The following RPGRIP1L variants were observed in gnomAD, a reference collection of about 807,000 sequenced individuals.
RPGRIP1L encodes RPGRIP1 like, also known as protein fantom.
Under a neutral mutation model 160.4 loss-of-function variants are expected in RPGRIP1L, and 131 were observed. That is an observed-to-expected ratio of 0.82 (90% CI 0.71 to 0.94). The LOEUF is 0.94. Ranked by LOEUF, RPGRIP1L falls within the 40% of genes least tolerant of loss-of-function variation. The probability of loss-of-function intolerance (pLI) is 0.00; values close to 1 mark genes in which losing one functional copy is unlikely to be tolerated. For missense variants in RPGRIP1L, 1,522 were observed against 1,535.8 expected (o/e 0.99, Z 0.15); for synonymous variants, 510 against 515.8 (o/e 0.99, Z 0.15).
In RPGRIP1L at chr16:53,603,674, A is replaced by ATGTGTGTG. The variant is rs3035223; in HGVS notation, c.3836-1494_3836-1487dup. Among the ~76,000 whole-genome samples, 1,203 of 148,042 alleles carry ATGTGTGTG rather than the reference A, an allele frequency of 8.1e-3. 14 individuals are homozygous for ATGTGTGTG. Among genetic ancestry groups the ATGTGTGTG allele is most frequent in the African/African-American group, 0.022 (907 of 40,494 alleles). ...TCCTTATGGTTTTCCTTGAACTTTA[A>ATGTGTGTG]TGTGTGTGTGTGTGTGTGTGTGTGT... On this transcript the variant is annotated intron_variant, in intron 26 of 26. Coordinates refer to ENST00000647211, the MANE Select transcript of RPGRIP1L (RefSeq NM_015272.5).
At chr16:53,692,405 C>A in intron 3 of RPGRIP1L, 41 bp from the exon 4 acceptor site, 1 of 1,571,552 alleles carries the variant, frequency 6.4e-7, no homozygotes, top group South Asian at 1.1e-5. Flanking sequence ...TGTGAGAAGT[C>A]AGCATAAAAT....
At chr16:53,646,957 A>C (rs1966593114) in intron 16 of RPGRIP1L, among the ~76,000 whole-genome samples, 1 of 152,224 alleles carries the variant, frequency 6.6e-6, no homozygotes, top group African/African-American at 2.4e-5. Flanking sequence ...GCCCTCAGCA[A>C]TAGAAGGCTG....
In RPGRIP1L at chr16:53,622,334, A is replaced by T; in HGVS notation, c.3317T>A (p.Leu1106Gln). ...IKQSLALSPG[L>Q]GCSSAISAHC... is the part of the protein sequence containing the mutation. ...AGCTGAGATCGCGCTACTGCACCCC[A>T]GCCCGGGAGACAATGCGAGACTCTG... is the stretch of plus-strand genomic sequence containing the variant. The change falls in exon 23 of 27, where the codon CTG becomes CAG. Residue 1106 changes from leucine to glutamine, a missense_variant. By Grantham distance (113) the Leu-to-Gln change is moderately radical. Transcript: ENST00000647211. The T allele has an allele frequency of 1.6e-6, 1 of 638,834 alleles. No homozygotes were observed. Among genetic ancestry groups the T allele is most frequent in the African/African-American group, 1.8e-5 (1 of 55,056 alleles). The allele number at this position is 638,834 out of a possible 1,614,324, so 39.6% of individuals were successfully genotyped here.
In RPGRIP1L at chr16:53,641,413, A is replaced by G. The variant is rs935905722; in HGVS notation, c.2746T>C (p.Trp916Arg). 6.2e-7 allele frequency: 1 copy of G among 1,613,974 alleles called. No homozygotes were observed. The highest frequency in any genetic ancestry group is 1.3e-5 in the African/African-American group (1 of 74,924). ...PAGTIHVILK[W>R]KFAYLPPSGS... is the part of the protein sequence containing the mutation. ...CTTGGTGGAAGGTAAGCAAATTTCC[A>G]TTTCAATATAACATGGATGGTGCCA... Residue 916 changes from tryptophan to arginine, a missense_variant, in exon 18 of 27, where the codon TGG (tryptophan) becomes CGG (arginine). Transcript: ENST00000647211.
chr16:53,677,295 A>C (rs1177467343), intron 6 of RPGRIP1L, among the ~76,000 whole-genome samples: 1 of 152,228 alleles, frequency 6.6e-6, no homozygotes, highest in African/African-American at 2.4e-5. Flanking sequence ...TACCTTAAGT[A>C]ACAACGTGGT....
intron 2 of RPGRIP1L, among the ~76,000 whole-genome samples, chr16:53,697,930 C>T (rs368084236): frequency 2.0e-5 from 3 of 151,734 alleles, no homozygotes; most frequent in Non-Finnish European, 2.9e-5. Context: ...CGCCTCTTCC[C>T]GGCCGCCATC....
At chr16:53,625,620 G>T (rs1227416412) in intron 22 of RPGRIP1L, among the ~76,000 whole-genome samples, 1 of 152,168 alleles carries the variant, frequency 6.6e-6, no homozygotes, top group Non-Finnish European at 1.5e-5. Flanking sequence ...CCTCTGCCCA[G>T]CCGCCACCCC....
At chr16:53,671,884 C>T (rs997368044) in intron 8 of RPGRIP1L, among the ~76,000 whole-genome samples, 4 of 152,028 alleles carry the variant, frequency 2.6e-5, no homozygotes, top group Admixed American at 2.0e-4. Flanking sequence ...TGCTAAGTCC[C>T]GGGAAACATA....
In RPGRIP1L at chr16:53,658,878, T is replaced by A; in HGVS notation, c.1244A>T (p.Asp415Val). Reference sequence around the variant, plus strand: ...CTCTTGAACGAGTTTTTCATTTTGATCTTAAAAATAAAGTCCACACAATTG... The same window carrying A: ...CTCTTGAACGAGTTTTTCATTTTGAACTTAAAAATAAAGTCCACACAATTG... ...EILDRLKTERDQNEKLVQENR... is the reference protein window; with the variant it reads ...EILDRLKTERVQNEKLVQENR... The change falls in exon 11 of 27, where the codon GAT becomes GTT. Residue 415 changes from aspartate (D) to valine (V), a missense_variant and splice_region_variant. Coordinates refer to ENST00000647211, the MANE Select transcript of RPGRIP1L (RefSeq NM_015272.5). The A allele has an allele frequency of 6.4e-7, 1 of 1,570,068 alleles. No individual in the cohort carries two copies. The highest frequency in any genetic ancestry group is 8.7e-7 in the Non-Finnish European group (1 of 1,145,276).
At chr16:53,624,008 C>G (rs1567806225) in intron 22 of RPGRIP1L, among the ~76,000 whole-genome samples, 1 of 152,188 alleles carries the variant, frequency 6.6e-6, no homozygotes, top group Non-Finnish European at 1.5e-5. Context: ...CCTCCCATCT[C>G]AGCCCCCTGA....
At chr16:53,622,123 G>A (rs1964766005) in intron 23 of RPGRIP1L, 96 bp downstream of exon 23, 2 of 430,534 alleles carry the variant, frequency 4.6e-6, no homozygotes, top group East Asian at 7.9e-5. Flanking sequence ...CCAGCACTTT[G>A]GGAGGCAGAG....
chr16:53,634,909 A>G (rs1965742896), intron 22 of RPGRIP1L, among the ~76,000 whole-genome samples: 1 of 152,222 alleles, frequency 6.6e-6, no homozygotes, highest in South Asian at 2.1e-4. Flanking sequence ...TGCTGAAAAT[A>G]GAATTTTTTA....
At chr16:53,695,092 T>C (rs1970653059) in intron 3 of RPGRIP1L, 1 of 467,032 alleles carries the variant, frequency 2.1e-6, no homozygotes. Context: ...AGTTGTTTTT[T>C]ATTTTCTGGC....
intron 15 of RPGRIP1L, among the ~76,000 whole-genome samples, chr16:53,650,494 T>A (rs1440052751): frequency 2.6e-5 from 4 of 152,044 alleles, no homozygotes; most frequent in African/African-American, 9.7e-5. Flanking sequence ...GAGACTGAAG[T>A]GTGGGCACTG....
rs752076060 is a variant in RPGRIP1L at position 53,638,393 on chromosome 16, CAGG to C, written c.2974_2976del (p.Pro992del). The C allele has an allele frequency of 6.9e-5, 109 of 1,570,358 alleles. No homozygotes were observed. In the South Asian group the frequency reaches 7.3e-4, roughly 11 times the overall value. ...TCTGGTGAAATTTCCTTCCTATCTT[CAGG>C]AGGAGGAGAAGTCTCCTTATATTAA... On this transcript the variant is annotated inframe_deletion, in exon 20 of 27. Coordinates refer to ENST00000647211, the MANE Select transcript of RPGRIP1L (RefSeq NM_015272.5).
intron 4 of RPGRIP1L, 44 bp downstream of exon 4, chr16:53,692,022 T>G (rs1970416453): frequency 1.3e-6 from 2 of 1,578,290 alleles, no homozygotes; most frequent in Admixed American, 1.7e-5. Context: ...TGTTAAACAA[T>G]CTAATAAGAC....
intron 25 of RPGRIP1L, chr16:53,607,971 A>G: frequency 2.0e-6 from 2 of 985,262 alleles, no homozygotes; most frequent in Non-Finnish European, 2.4e-6. Flanking sequence ...GTCTGGAAGA[A>G]CGCTTACAGT....
chr16:53,631,148 TTAA>T lies in RPGRIP1L; in HGVS notation c.3294+5288_3294+5290del, dbSNP rs533652542. ...ATATCATATTTGATTCCTAAGTGAT[TTAA>T]TAATTTTTCATATGCGAATTCTAAA... On this transcript the variant is annotated intron_variant, in intron 22 of 26. Transcript: ENST00000647211. Among the ~76,000 whole-genome samples the T allele has an allele frequency of 2.5e-3, 377 of 152,352 alleles. 3 individuals carry two copies. Among genetic ancestry groups the T allele is most frequent in the African/African-American group, 8.3e-3 (347 of 41,572 alleles).
At position 53,696,191 on chromosome 16, in the gene RPGRIP1L, G is replaced by C. The variant is rs1387017352; in HGVS notation, c.190C>G (p.Leu64Val). ...TCCTGCTTGCGGGCATGCTGTTTAA[G>C]TAAAATGTTCTCATCATGCAAACGC... ...FLRLHDENIL[L>V]KQHARKQEDK... The change falls in exon 3 of 27, where the codon CTT becomes GTT. Residue 64 changes from leucine (L) to valine (V), a missense_variant. By Grantham distance (32) the Leu-to-Val change is conservative. Transcript: ENST00000647211. 1.9e-6 allele frequency: 3 copies of C among 1,613,984 alleles called. No individual in the cohort carries two copies. The South Asian group carries it at 3.3e-5, about 18-fold the overall frequency.
Sources: gnomAD v4.1 joint callset for allele counts (sites outside exome capture counted in the v4.1 genomes callset) on GRCh38, gnomAD v4.1.1 for gene constraint, MANE v1.5 for transcripts, NCBI Gene and HGNC (gene_info 2026-07-23, HGNC 2026-07-21) for gene names.